The following WRN variants were observed in gnomAD, a reference collection of about 807,000 sequenced individuals.
WRN encodes bifunctional 3'-5' exonuclease/ATP-dependent helicase WRN.
WRN carries 149 observed loss-of-function variants against 180.7 expected under a neutral mutation model. The observed-to-expected ratio is 0.82, with a 90% CI of 0.72 to 0.94. WRN has a LOEUF of 0.94. Among genes scored for constraint, WRN ranks in the 40% least tolerant of loss-of-function variants. WRN has a pLI of 0.00. For synonymous variants in WRN, 548 were observed against 568.9 expected (o/e 0.96, Z 0.52); for missense variants, 1,661 against 1,700.1 (o/e 0.98, Z 0.40).
intron 1 of WRN, among the ~76,000 whole-genome samples, chr8:31,049,319 G>A (rs1317978546): frequency 1.3e-5 from 2 of 150,850 alleles, no homozygotes; most frequent in Admixed American, 6.6e-5. Context: ...ATTGCTTGAG[G>A]CCAGGAGTTC....
At chr8:31,064,145 T>C (rs1812602248) in intron 3 of WRN, 144 bp from the exon 4 acceptor site, 1 of 812,584 alleles carries the variant, frequency 1.2e-6, no homozygotes, top group Admixed American at 3.1e-5. Context: ...TTTACATATT[T>C]TCTGGCTGTT....
chr8:31,066,483 C>G (rs1429035577), intron 5 of WRN, among the ~76,000 whole-genome samples: 1 of 152,086 alleles, frequency 6.6e-6, no homozygotes, highest in African/African-American at 2.4e-5. Context: ...TTAAGCAAGC[C>G]TTCTCTTTTC....
Position 31,071,929 on chromosome 8 carries a change from A to G in WRN, c.724+3602A>G, listed in dbSNP as rs145776480. Reference sequence around the variant, plus strand: ...GGCATAAGCAACAGGGATGAAAAGCATTGAGGAAGAGCAAGATTTTGGGAT... The same window carrying G: ...GGCATAAGCAACAGGGATGAAAAGCGTTGAGGAAGAGCAAGATTTTGGGAT... On this transcript the variant is annotated intron_variant, in intron 7 of 34. Coordinates refer to ENST00000298139, the MANE Select transcript of WRN (RefSeq NM_000553.6). Among the ~76,000 whole-genome samples, 994 of 152,338 alleles carry G rather than the reference A, an allele frequency of 6.5e-3. 15 individuals are homozygous for G. Among genetic ancestry groups the G allele is most frequent in the African/African-American group, 0.022 (925 of 41,568 alleles).
chr8:31,078,557 G>A (rs1357710118), intron 8 of WRN, among the ~76,000 whole-genome samples: 2 of 152,078 alleles, frequency 1.3e-5, no homozygotes, highest in Non-Finnish European at 2.9e-5. Context: ...TGAAAGAGTG[G>A]ACAAAACTAT....
intron 19 of WRN, among the ~76,000 whole-genome samples, chr8:31,113,583 T>C (rs1801402760): frequency 6.6e-6 from 1 of 152,164 alleles, no homozygotes; most frequent in African/African-American, 2.4e-5. Context: ...TAATCTTTGA[T>C]CCTGTTCAGT....
At position 31,085,246 on chromosome 8, in the gene WRN, G is replaced by T. The variant is rs376705983; in HGVS notation, c.1431G>T (p.Lys477Asn). 6.2e-7 allele frequency: 1 copy of T among 1,612,242 alleles called. No homozygotes were observed. Among genetic ancestry groups the T allele is most frequent in the Non-Finnish European group, 8.5e-7 (1 of 1,179,056 alleles). Residue 477 changes from lysine to asparagine, a missense_variant and splice_region_variant, in exon 11 of 35, where the codon AAG becomes AAT. Transcript: ENST00000298139. ...AAGATTTAGAAATGGAGATGCTTAA[G>T]GTATGTTTACAATTATAAAAACATT... ...SDEDLEMEMLKSLENLNSGTV... is the reference protein window; with the variant it reads ...SDEDLEMEMLNSLENLNSGTV...
intron 8 of WRN, among the ~76,000 whole-genome samples, chr8:31,078,843 G>C (rs1333750465): frequency 6.6e-6 from 1 of 152,106 alleles, no homozygotes. Flanking sequence ...GACAGCCGTT[G>C]GTATTTGTTA....
intron 1 of WRN, among the ~76,000 whole-genome samples, chr8:31,048,089 A>G (rs1159395335): frequency 1.3e-5 from 2 of 152,232 alleles, no homozygotes; most frequent in Admixed American, 6.5e-5. Flanking sequence ...TGTGCTTTAT[A>G]TAATATTTGA....
intron 3 of WRN, among the ~76,000 whole-genome samples, chr8:31,063,210 A>G (rs1428456269): frequency 6.6e-6 from 1 of 152,168 alleles, no homozygotes; most frequent in Non-Finnish European, 1.5e-5. Context: ...CCATTTAAAA[A>G]CTTTAAAAAA....
At chr8:31,076,924 C>T (rs1348671776) in intron 8 of WRN, among the ~76,000 whole-genome samples, 1 of 152,130 alleles carries the variant, frequency 6.6e-6, no homozygotes, top group African/African-American at 2.4e-5. Context: ...AGACCTTGTC[C>T]TGGCCTTAAT....
In WRN at chr8:31,173,402, G is replaced by A. The variant is rs1040491293; in HGVS notation, c.*300G>A. 6 of 361,988 alleles carry A rather than the reference G, an allele frequency of 1.7e-5. No homozygotes were observed. The highest frequency in any genetic ancestry group is 2.5e-5 in the Non-Finnish European group (5 of 196,748). 22.4% of individuals were successfully genotyped at this position (361,988 alleles called of 1,614,324 possible). A position where few individuals can be genotyped will look rare whatever the true frequency, so the allele number is the denominator to read the frequency against. On this transcript the variant is annotated 3_prime_UTR_variant, in exon 35 of 35. Transcript: ENST00000298139. ...ATCTCTTTATTAAAACAGTGTATTT[G>A]GAAAATGTTATGTGCTCTGATTTGA...
chr8:31,153,835 C>T (rs1803245443), intron 31 of WRN, among the ~76,000 whole-genome samples: 1 of 152,018 alleles, frequency 6.6e-6, no homozygotes, highest in Non-Finnish European at 1.5e-5. Flanking sequence ...GACACATTTC[C>T]TCATATATGT....
chr8:31,061,636 C>A (rs1244350212), intron 3 of WRN, among the ~76,000 whole-genome samples: 1 of 151,556 alleles, frequency 6.6e-6, no homozygotes. Flanking sequence ...ACCTGAAGAT[C>A]AACTTTATGT....
At chr8:31,104,439 A>G (rs1021976494) in intron 18 of WRN, among the ~76,000 whole-genome samples, 5 of 152,202 alleles carry the variant, frequency 3.3e-5, no homozygotes, top group African/African-American at 1.2e-4. Context: ...GTCCTTGGTC[A>G]GATACGTGGT....
chr8:31,163,854 CTTT>C (rs34612730), intron 33 of WRN, among the ~76,000 whole-genome samples: 25 of 141,822 alleles, frequency 1.8e-4, no homozygotes, highest in Non-Finnish European at 2.3e-4. Context: ...ACCATGAGCT[CTTT>C]TTTTTTTTTT....
intron 1 of WRN, among the ~76,000 whole-genome samples, chr8:31,058,011 G>C (rs1486041456): frequency 5.9e-5 from 9 of 152,088 alleles, no homozygotes; most frequent in Non-Finnish European, 4.4e-5. Context: ...TAATAGTTTT[G>C]CTGAATTTAC....
rs1813088906 is a variant in WRN at position 31,076,236 on chromosome 8, A to G, written c.788A>G (p.Asp263Gly). ...ACTTCAATCTCTGAGGAAGTGATGGATCTGGCTAAGCATCTTCCTCATGCT... is the reference window on the plus strand; with the variant it reads ...ACTTCAATCTCTGAGGAAGTGATGGGTCTGGCTAAGCATCTTCCTCATGCT... Reference protein sequence around the residue: ...QLTSISEEVMDLAKHLPHAFS... With the variant: ...QLTSISEEVMGLAKHLPHAFS... Residue 263 changes from aspartate to glycine, a missense_variant, in exon 8 of 35, where the codon GAT becomes GGT. Asp to Gly is a moderately conservative substitution (Grantham distance 94). Transcript: ENST00000298139. The G allele has an allele frequency of 1.2e-6, 2 of 1,613,886 alleles. No homozygotes were observed. Among genetic ancestry groups the G allele is most frequent in the Non-Finnish European group, 8.5e-7 (1 of 1,179,920 alleles).
intron 22 of WRN, 94 bp from the exon 23 acceptor site, chr8:31,124,814 C>T: frequency 7.7e-7 from 1 of 1,306,592 alleles, no homozygotes; most frequent in Non-Finnish European, 1.1e-6. Context: ...CCAAGTGAAT[C>T]AATTAATGGT....
chr8:31,145,329 A>T (rs187822386), intron 28 of WRN, among the ~76,000 whole-genome samples: 3 of 152,338 alleles, frequency 2.0e-5, no homozygotes, highest in Non-Finnish European at 4.4e-5. Flanking sequence ...GCCAGTGCTC[A>T]ATTAGCATTC....
Sources: gnomAD v4.1 joint callset for allele counts (sites outside exome capture counted in the v4.1 genomes callset) on GRCh38, gnomAD v4.1.1 for gene constraint, MANE v1.5 for transcripts, NCBI Gene and HGNC (gene_info 2026-07-23, HGNC 2026-07-21) for gene names.